TMOD3: variants seen among roughly 807,000 people sequenced by gnomAD.
TMOD3 encodes tropomodulin 3.
In TMOD3, 20 loss-of-function variants were observed where a neutral mutation model predicts 39.2. That is an observed-to-expected ratio of 0.51 (90% CI 0.36 to 0.74). The LOEUF is 0.74. TMOD3 is among the 30% of genes least tolerant of loss of function. TMOD3 has a pLI of 0.00. For missense variants in TMOD3, 381 were observed against 412.8 expected (o/e 0.92, Z 0.67); for synonymous variants, 143 against 145.8 (o/e 0.98, Z 0.14).
chr15:51,871,834 G>T (rs570790735), intron 3 of TMOD3, among the ~76,000 whole-genome samples: 103 of 152,248 alleles, frequency 6.8e-4, no homozygotes, highest in Non-Finnish European at 1.2e-3. Context: ...TTTTAGATGG[G>T]TAAGAATAAA....
At chr15:51,882,378 A>T (rs1208140841) in intron 3 of TMOD3, among the ~76,000 whole-genome samples, 1 of 151,926 alleles carries the variant, frequency 6.6e-6, no homozygotes, top group East Asian at 2.0e-4. Context: ...ATCTACTAGT[A>T]GTCCCAGCTA....
chr15:51,898,903 G>C (rs1214423185), intron 7 of TMOD3: 3 of 148,030 alleles, frequency 2.0e-5, no homozygotes, highest in Non-Finnish European at 4.5e-5. Flanking sequence ...TTTTTCACTT[G>C]TAGGCTTCTG....
intron 1 of TMOD3, among the ~76,000 whole-genome samples, chr15:51,838,539 C>G (rs2056297734): frequency 6.6e-6 from 1 of 152,118 alleles, no homozygotes; most frequent in South Asian, 2.1e-4. Context: ...CTTTGAAAGT[C>G]TCTGTCCTCT....
chr15:51,864,700 A>C (rs1163271665), intron 2 of TMOD3, among the ~76,000 whole-genome samples: 1 of 152,144 alleles, frequency 6.6e-6, no homozygotes, highest in Non-Finnish European at 1.5e-5. Context: ...CAAGTTTAGG[A>C]CTAGATGGTT....
intron 9 of TMOD3, among the ~76,000 whole-genome samples, chr15:51,905,704 A>G (rs1224760445): frequency 6.6e-6 from 1 of 152,186 alleles, no homozygotes; most frequent in African/African-American, 2.4e-5. Flanking sequence ...GACATTCGCA[A>G]TTAACTAATG....
At chr15:51,896,633 C>A in intron 7 of TMOD3, 107 bp downstream of exon 7, 2 of 781,476 alleles carry the variant, frequency 2.6e-6, no homozygotes, top group Non-Finnish European at 2.1e-6. Context: ...AATGTTTTAG[C>A]TCACTATTAG....
At chr15:51,842,430 CTG>C (rs1298417506) in intron 1 of TMOD3, among the ~76,000 whole-genome samples, 5 of 152,182 alleles carry the variant, frequency 3.3e-5, no homozygotes. Flanking sequence ...TCAGTGCTGT[CTG>C]TGGTGTGTAA....
intron 3 of TMOD3, among the ~76,000 whole-genome samples, chr15:51,885,791 A>G (rs929398270): frequency 2.0e-5 from 3 of 152,194 alleles, no homozygotes; most frequent in Non-Finnish European, 2.9e-5. Flanking sequence ...CCCGTTCTCA[A>G]TGAGCTGCTG....
At chr15:51,862,535 C>G (rs2554329) in intron 1 of TMOD3, among the ~76,000 whole-genome samples, 5,092 of 152,216 alleles carry the variant, frequency 0.033, 287 homozygotes, top group African/African-American at 0.12. Flanking sequence ...TTCTTTCCCC[C>G]TAAAATTTAA....
intron 3 of TMOD3, chr15:51,875,006 A>T (rs139145934): frequency 6.6e-6 from 1 of 152,248 alleles, no homozygotes; most frequent in African/African-American, 2.4e-5. Flanking sequence ...AGAATTCCAC[A>T]TGCCCCTCCC....
intron 5 of TMOD3, among the ~76,000 whole-genome samples, chr15:51,891,028 GCTTTT>G (rs2056590271): frequency 6.6e-6 from 1 of 151,886 alleles, no homozygotes; most frequent in African/African-American, 2.4e-5. Flanking sequence ...ACAAATAAAG[GCTTTT>G]CTTTTAATGT....
At chr15:51,859,210 C>G (rs2056403782) in intron 1 of TMOD3, 1 of 737,174 alleles carries the variant, frequency 1.4e-6, no homozygotes, top group African/African-American at 1.7e-5. Flanking sequence ...TGATACATAG[C>G]ATGTTTAGCT....
intron 2 of TMOD3, among the ~76,000 whole-genome samples, chr15:51,868,315 C>A (rs77323334): frequency 4.7e-5 from 3 of 63,778 alleles, no homozygotes; most frequent in Non-Finnish European, 8.3e-5. Flanking sequence ...TTAAAAAAAA[C>A]GTTTTAAGTT....
intron 7 of TMOD3, among the ~76,000 whole-genome samples, chr15:51,897,781 C>CAAAAAAAAAAAAAA: frequency 9.0e-6 from 1 of 111,066 alleles, no homozygotes. Flanking sequence ...CCACGCCCAG[C>CAAAAAAAAAAAAAA]AAAAAAAAAA....
At chr15:51,897,236 T>C (rs1006077081) in intron 7 of TMOD3, among the ~76,000 whole-genome samples, 1 of 152,092 alleles carries the variant, frequency 6.6e-6, no homozygotes, top group South Asian at 2.1e-4. Flanking sequence ...CTCAGAAATA[T>C]ATATATTATC....
chr15:51,846,591 G>A (rs539703981), intron 1 of TMOD3, among the ~76,000 whole-genome samples: 1 of 152,294 alleles, frequency 6.6e-6, no homozygotes, highest in East Asian at 1.9e-4. Context: ...AAAACTCTCA[G>A]ATTAATCTCA....
At chr15:51,904,531 TAAC>T (rs1297708849) in intron 9 of TMOD3, among the ~76,000 whole-genome samples, 1 of 152,168 alleles carries the variant, frequency 6.6e-6, no homozygotes, top group Non-Finnish European at 1.5e-5. Context: ...GAAACTACCT[TAAC>T]AAGCCCCAAC....
intron 9 of TMOD3, among the ~76,000 whole-genome samples, chr15:51,906,523 A>G (rs981005169): frequency 3.3e-5 from 5 of 152,216 alleles, no homozygotes; most frequent in Admixed American, 1.3e-4. Flanking sequence ...TATGGTATAC[A>G]TGCAATATTC....
chr15:51,878,270 G>T (rs572870449), intron 3 of TMOD3, among the ~76,000 whole-genome samples: 14 of 152,292 alleles, frequency 9.2e-5, no homozygotes, highest in African/African-American at 3.1e-4. Context: ...GGTAACTCAT[G>T]CCTGTAATCC....
Sources: gnomAD v4.1 joint callset for allele counts (sites outside exome capture counted in the v4.1 genomes callset) on GRCh38, gnomAD v4.1.1 for gene constraint, MANE v1.5 for transcripts, NCBI Gene and HGNC (gene_info 2026-07-23, HGNC 2026-07-21) for gene names.